The following CNTN4 variants were observed in gnomAD, a reference collection of about 807,000 sequenced individuals.
CNTN4 encodes the protein contactin 4.
Under a neutral mutation model 122.5 loss-of-function variants are expected in CNTN4, and 77 were observed. That is an observed-to-expected ratio of 0.63 (90% CI 0.52 to 0.76). CNTN4 has a LOEUF of 0.76. CNTN4 is among the 30% of genes least tolerant of loss of function. The probability of loss-of-function intolerance (pLI) is 0.00; values close to 1 mark genes in which losing one functional copy is unlikely to be tolerated. For missense variants in CNTN4, 1,256 were observed against 1,259.1 expected, an observed-to-expected ratio of 1.00 and a Z score of 0.04; for synonymous variants, 512 against 447.0, an observed-to-expected ratio of 1.15 and a Z score of -1.83.
At chr3:2,574,332 A>AG (rs1212537412) in intron 4 of CNTN4, among the ~76,000 whole-genome samples, 1 of 152,130 alleles carries the variant, frequency 6.6e-6, no homozygotes, top group Non-Finnish European at 1.5e-5. Flanking sequence ...GTTTTTGGTA[A>AG]GGGATATGTT....
chr3:2,980,040 C>T (rs1326497559), intron 13 of CNTN4, among the ~76,000 whole-genome samples: 2 of 152,092 alleles, frequency 1.3e-5, no homozygotes, highest in African/African-American at 4.8e-5. Context: ...GTCCTGTGTC[C>T]CCAGACTGGT....
intron 6 of CNTN4, among the ~76,000 whole-genome samples, chr3:2,794,477 G>A (rs890966432): frequency 6.6e-6 from 1 of 152,162 alleles, no homozygotes; most frequent in Admixed American, 6.5e-5. Context: ...TCATAGAAAA[G>A]CACTGTTTTT....
rs1313454498 is a variant in CNTN4, at chr3:2,385,028, T to G, written c.-89+45795T>G. On this transcript the variant is annotated intron_variant, in intron 3 of 24. Transcript: ENST00000418658. The surrounding 1 kb of genome is among the most constrained non-coding windows in gnomAD (Gnocchi z 4.0). ...CCATTCAGATCCTCCTTTTCTCTCT[T>G]GCTTCGCCTCTTACTCTTCCTTCCT... 6.6e-6 allele frequency among the ~76,000 whole-genome samples: 1 copy of G among 152,178 alleles called. No homozygotes were observed. The highest frequency in any genetic ancestry group is 1.5e-5 in the Non-Finnish European group (1 of 68,012).
At chr3:2,421,899 C>T (rs1471581463) in intron 3 of CNTN4, among the ~76,000 whole-genome samples, 2 of 152,058 alleles carry the variant, frequency 1.3e-5, no homozygotes, top group Non-Finnish European at 2.9e-5. Context: ...CTCAACAACA[C>T]ACAAGGAAGT....
chr3:2,617,292 C>G (rs369303181), intron 4 of CNTN4, among the ~76,000 whole-genome samples: 12 of 150,842 alleles, frequency 8.0e-5, no homozygotes. Flanking sequence ...AACAAATTTT[C>G]AAGAAAAAAA....
At chr3:2,886,658 C>A (rs2093982789) in intron 9 of CNTN4, among the ~76,000 whole-genome samples, 1 of 151,416 alleles carries the variant, frequency 6.6e-6, no homozygotes, top group Non-Finnish European at 1.5e-5. Flanking sequence ...ATTACAGGCA[C>A]CTGCCACCAT....
intron 2 of CNTN4, among the ~76,000 whole-genome samples, chr3:2,187,464 G>T (rs1246061955): frequency 6.6e-6 from 1 of 152,068 alleles, no homozygotes; most frequent in Admixed American, 6.6e-5. Context: ...TCACCTCATA[G>T]CTCTGCTCTC....
intron 3 of CNTN4, among the ~76,000 whole-genome samples, chr3:2,558,733 C>G (rs919535372): frequency 6.6e-6 from 1 of 152,132 alleles, no homozygotes; most frequent in African/African-American, 2.4e-5. Flanking sequence ...TCTTTTATGC[C>G]TCAGTTTCCC....
intron 4 of CNTN4, among the ~76,000 whole-genome samples, chr3:2,631,920 C>T (rs888589594): frequency 2.7e-5 from 4 of 148,876 alleles, no homozygotes; most frequent in South Asian, 2.1e-4. Flanking sequence ...GACATGGTGG[C>T]GTGCACCTGT....
intron 12 of CNTN4, among the ~76,000 whole-genome samples, chr3:2,916,779 G>C (rs932726883): frequency 6.7e-6 from 1 of 149,824 alleles, no homozygotes; most frequent in African/African-American, 2.5e-5. Flanking sequence ...AGGGGCGGCC[G>C]GGCAGAGGGG....
chr3:2,398,745 G>C (rs2046732481), intron 3 of CNTN4, among the ~76,000 whole-genome samples: 1 of 152,154 alleles, frequency 6.6e-6, no homozygotes, highest in Admixed American at 6.6e-5. Flanking sequence ...CCACGGAACT[G>C]AGAGTTCCCT....
chr3:2,695,929 T>TG (rs772298195), intron 4 of CNTN4, among the ~76,000 whole-genome samples: 5 of 151,902 alleles, frequency 3.3e-5, no homozygotes, highest in Non-Finnish European at 7.4e-5. Flanking sequence ...GTGGTAGGGG[T>TG]GGGGGTAATG....
At chr3:2,573,177 A>G (rs982296514) in intron 4 of CNTN4, among the ~76,000 whole-genome samples, 2 of 152,182 alleles carry the variant, frequency 1.3e-5, no homozygotes, top group African/African-American at 4.8e-5. Flanking sequence ...TGGCAAGTTT[A>G]TGGTTGCAAA....
intron 2 of CNTN4, among the ~76,000 whole-genome samples, chr3:2,203,211 C>A (rs1235359037): frequency 6.6e-6 from 1 of 152,112 alleles, no homozygotes; most frequent in Non-Finnish European, 1.5e-5. Flanking sequence ...CAGTATTTAA[C>A]ATTTTCAGGT....
chr3:2,295,475 T>G (rs998737855), intron 2 of CNTN4, among the ~76,000 whole-genome samples: 2 of 136,908 alleles, frequency 1.5e-5, no homozygotes, highest in Non-Finnish European at 3.2e-5. Flanking sequence ...ATGAATGTCT[T>G]CTTTTGAGAA....
chr3:2,927,330 C>G (rs957964708), intron 13 of CNTN4: 1 of 455,864 alleles, frequency 2.2e-6, no homozygotes, highest in Non-Finnish European at 4.4e-6. Context: ...GGCTCTGCTC[C>G]TCTCTAAGGC....
At chr3:2,578,992 T>C (rs2079817471) in intron 4 of CNTN4, among the ~76,000 whole-genome samples, 1 of 152,202 alleles carries the variant, frequency 6.6e-6, no homozygotes, top group African/African-American at 2.4e-5. Context: ...TAATCAGTAA[T>C]GAAGATGTTG....
At chr3:2,806,193 G>T (rs759431526) in intron 6 of CNTN4, among the ~76,000 whole-genome samples, 2 of 152,142 alleles carry the variant, frequency 1.3e-5, no homozygotes, top group Non-Finnish European at 2.9e-5. Flanking sequence ...GAGCCACCGC[G>T]CCCAGCCTCT....
At chr3:2,518,471 A>T (rs901145303) in intron 3 of CNTN4, among the ~76,000 whole-genome samples, 5 of 152,178 alleles carry the variant, frequency 3.3e-5, no homozygotes, top group Admixed American at 2.0e-4. Context: ...CTAGAAAATT[A>T]GGAACATGTC....
Sources: gnomAD v4.1 joint callset for allele counts (sites outside exome capture counted in the v4.1 genomes callset) on GRCh38, gnomAD v4.1.1 for gene constraint, Gnocchi (gnomAD v3.1) non-coding constraint, MANE v1.5 for transcripts, NCBI Gene and HGNC (gene_info 2026-07-23, HGNC 2026-07-21) for gene names.